Variants in DEPDC5 observed in about 807,000 individuals in gnomAD.
DEPDC5 encodes DEP domain containing 5, GATOR1 subcomplex subunit, also known as GATOR1 complex protein DEPDC5.
In DEPDC5, 73 loss-of-function variants were observed where a neutral mutation model predicts 217.3. The observed-to-expected ratio is 0.34, with a 90% CI of 0.28 to 0.41. The LOEUF is 0.41. Among genes scored for constraint, DEPDC5 ranks in the 10% least tolerant of loss-of-function variants. The pLI is 1.00. For missense variants in DEPDC5, 1,675 were observed against 2,070.1 expected, an observed-to-expected ratio of 0.81 and a Z score of 3.70; for synonymous variants, 733 against 756.7, an observed-to-expected ratio of 0.97 and a Z score of 0.51.
rs750195693 is a variant in DEPDC5 at position 31,897,559 on chromosome 22, C to T, written c.4281C>T (p.Pro1427=). The T allele has an allele frequency of 1.2e-6, 2 of 1,614,144 alleles. No homozygotes were observed. The highest frequency in any genetic ancestry group is 1.7e-6 in the Non-Finnish European group (2 of 1,180,026). The change falls in exon 40 of 43, where the codon CCC becomes CCT. Residue 1427 remains proline, a synonymous_variant. Transcript: ENST00000651528. ...TTTTGGAGGGGCCTTTTGCACTGCC[C>T]AGTTACCTGTATGGCGACCCCCTTC... ...VPVLEGPFAL[P]SYLYGDPLRA...
intron 2 of DEPDC5, 155 bp from the exon 3 acceptor site, chr22:31,758,391 A>C (rs372850942): frequency 3.1e-5 from 20 of 652,082 alleles, no homozygotes; most frequent in African/African-American, 3.0e-4. Flanking sequence ...TCCTGTGTGA[A>C]TCCATTAGTC....
chr22:31,861,568 G>A (rs1432653939), intron 33 of DEPDC5, 135 bp downstream of exon 33: 4 of 889,058 alleles, frequency 4.5e-6, no homozygotes, highest in Non-Finnish European at 7.1e-6. Flanking sequence ...TTTGGTCTCA[G>A]AATTGTACAT....
intron 4 of DEPDC5, among the ~76,000 whole-genome samples, chr22:31,763,396 A>ATTACAGG (rs2082561946): frequency 6.7e-6 from 1 of 150,224 alleles, no homozygotes; most frequent in Non-Finnish European, 1.5e-5. Context: ...AAGTCCTGGG[A>ATTACAGG]TTACAGGCGT....
chr22:31,811,172 C>T (rs866745564), intron 20 of DEPDC5, among the ~76,000 whole-genome samples: 12 of 151,902 alleles, frequency 7.9e-5, no homozygotes, highest in African/African-American at 1.5e-4. Context: ...TGGGTTCAAG[C>T]GATTCTCCTG....
intron 33 of DEPDC5, among the ~76,000 whole-genome samples, chr22:31,865,755 G>A (rs12484712): frequency 6.6e-6 from 1 of 152,128 alleles, no homozygotes; most frequent in African/African-American, 2.4e-5. Context: ...CAGAGAGAAG[G>A]TTTTAATTTG....
chr22:31,829,338 C>T, intron 24 of DEPDC5, among the ~76,000 whole-genome samples: 1 of 152,224 alleles, frequency 6.6e-6, no homozygotes, highest in Non-Finnish European at 1.5e-5. Flanking sequence ...TCGAGACCAG[C>T]CTGACCAACA....
intron 36 of DEPDC5, chr22:31,875,938 A>G: frequency 2.1e-6 from 1 of 467,628 alleles, no homozygotes; most frequent in Non-Finnish European, 3.8e-6. Flanking sequence ...CGGCCATCTG[A>G]ATTTCTTCAT....
intron 33 of DEPDC5, among the ~76,000 whole-genome samples, chr22:31,864,325 C>T (rs1298387659): frequency 2.0e-5 from 3 of 150,972 alleles, no homozygotes; most frequent in Non-Finnish European, 3.0e-5. Context: ...AGGCTGCTCT[C>T]GAACTCCTAA....
chr22:31,783,470 G>A (rs1013859572), intron 8 of DEPDC5, among the ~76,000 whole-genome samples: 2 of 152,060 alleles, frequency 1.3e-5, no homozygotes, highest in Non-Finnish European at 2.9e-5. Context: ...AAACCACTCT[G>A]GGCAACGTAG....
At chr22:31,819,271 C>G (rs1365121527) in intron 22 of DEPDC5, 46 bp downstream of exon 22, 2 of 1,585,864 alleles carry the variant, frequency 1.3e-6, no homozygotes, top group African/African-American at 1.3e-5. Flanking sequence ...GAGCTCCTAG[C>G]CCTGGTCCTC....
At chr22:31,771,180 C>T (rs1266023680) in intron 7 of DEPDC5, among the ~76,000 whole-genome samples, 1 of 152,002 alleles carries the variant, frequency 6.6e-6, no homozygotes, top group Non-Finnish European at 1.5e-5. Context: ...TTAAGTCATC[C>T]CTTCTACATT....
At chr22:31,798,301 C>T (rs1020611737) in intron 13 of DEPDC5, among the ~76,000 whole-genome samples, 3 of 152,074 alleles carry the variant, frequency 2.0e-5, no homozygotes, top group African/African-American at 7.2e-5. Context: ...AGGCGGATCA[C>T]GAGGTCAGGA....
At chr22:31,857,676 T>C (rs2092355715) in intron 32 of DEPDC5, 123 bp downstream of exon 32, 3 of 740,000 alleles carry the variant, frequency 4.1e-6, no homozygotes, top group African/African-American at 1.8e-5. Context: ...AATTCTACCC[T>C]GAACCCTTTA....
chr22:31,854,067 G>A (rs574671128), intron 31 of DEPDC5, among the ~76,000 whole-genome samples: 2 of 152,344 alleles, frequency 1.3e-5, no homozygotes, highest in South Asian at 4.1e-4. Flanking sequence ...CTCCATGGAG[G>A]TGTGGCTAGT....
chr22:31,802,513 A>T (rs555383315), intron 14 of DEPDC5, among the ~76,000 whole-genome samples, 191 bp from the exon 15 acceptor site: 1 of 152,248 alleles, frequency 6.6e-6, no homozygotes, highest in East Asian at 1.9e-4. Flanking sequence ...GGTGACAGCG[A>T]CTTATTCCTG....
intron 24 of DEPDC5, among the ~76,000 whole-genome samples, chr22:31,824,292 G>A (rs2089963560): frequency 6.6e-6 from 1 of 152,144 alleles, no homozygotes; most frequent in Non-Finnish European, 1.5e-5. Flanking sequence ...GTTGCAGTGA[G>A]CTGAGATTGC....
intron 28 of DEPDC5, among the ~76,000 whole-genome samples, 168 bp downstream of exon 28, chr22:31,843,380 C>T (rs1196145681): frequency 6.6e-6 from 1 of 152,144 alleles, no homozygotes; most frequent in Non-Finnish European, 1.5e-5. Flanking sequence ...AGCTTACCTA[C>T]TTCCAAAAGG....
intron 38 of DEPDC5, among the ~76,000 whole-genome samples, chr22:31,887,095 A>AG (rs1389661853): frequency 1.5e-4 from 23 of 150,086 alleles, no homozygotes; most frequent in Non-Finnish European, 3.0e-4. Flanking sequence ...AAAAAAAAAA[A>AG]AGAGAGAGAG....
chr22:31,832,694 A>G lies in DEPDC5; in HGVS notation c.2105-1221A>G, dbSNP rs568392558. Among the ~76,000 whole-genome samples, 13 of 152,252 alleles carry G rather than the reference A, an allele frequency of 8.5e-5. No homozygotes were observed. The East Asian group carries it at 2.1e-3, about 25-fold the overall frequency. On this transcript the variant is annotated intron_variant, in intron 24 of 42. Coordinates refer to ENST00000651528, the MANE Select transcript of DEPDC5 (RefSeq NM_001242896.3). ...TTAATTTGCTATTTCCTTAATGACT[A>G]CTGATGTTAAGCATCTTTTAATATA... is the stretch of plus-strand genomic sequence containing the variant.
Sources: gnomAD v4.1 joint callset for allele counts (sites outside exome capture counted in the v4.1 genomes callset) on GRCh38, gnomAD v4.1.1 for gene constraint, MANE v1.5 for transcripts, NCBI Gene and HGNC (gene_info 2026-07-23, HGNC 2026-07-21) for gene names.